Variants in AFAP1L1 observed in about 807,000 individuals in gnomAD.
AFAP1L1 encodes the protein actin filament-associated protein 1-like 1.
AFAP1L1 carries 77 observed loss-of-function variants against 99.8 expected under a neutral mutation model. That is an observed-to-expected ratio of 0.77 (90% CI 0.64 to 0.93). The LOEUF is 0.93. AFAP1L1 is among the 40% of genes least tolerant of loss of function. The pLI, the probability that AFAP1L1 is intolerant of heterozygous loss-of-function variation, is 0.00. For missense variants in AFAP1L1, 893 were observed against 996.8 expected (o/e 0.90, Z 1.40); for synonymous variants, 373 against 395.3 (o/e 0.94, Z 0.67).
At chr5:149,339,014 A>C (rs1581350364) in intron 18 of AFAP1L1, among the ~76,000 whole-genome samples, 1 of 152,324 alleles carries the variant, frequency 6.6e-6, no homozygotes, top group Middle Eastern at 3.4e-3. Context: ...GATCATCTAG[A>C]GCAGCAGTCA....
In AFAP1L1 at chr5:149,329,744, A is replaced by G; in HGVS notation, c.1889A>G (p.Glu630Gly). 2 of 1,614,126 alleles carry G rather than the reference A, an allele frequency of 1.2e-6. No homozygotes were observed. The highest frequency in any genetic ancestry group is 1.7e-6 in the Non-Finnish European group (2 of 1,180,022). Reference protein sequence around the residue: ...RRYLVEKEKLEKEKETIRTEL... With the variant: ...RRYLVEKEKLGKEKETIRTEL... ...TACTTGGTAGAAAAAGAGAAGCTGG[A>G]GAAAGAGAAAGAGACGATTCGGACA... Residue 630 changes from glutamate (E) to glycine (G), a missense_variant, in exon 16 of 19, where the codon GAG becomes GGG. Physicochemically the swap from Glu to Gly is moderately conservative, Grantham distance 98 (BLOSUM62 -2). Coordinates refer to ENST00000296721, the MANE Select transcript of AFAP1L1 (RefSeq NM_152406.4).
At chr5:149,336,895 C>T (rs1002260852) in intron 18 of AFAP1L1, among the ~76,000 whole-genome samples, 2 of 152,106 alleles carry the variant, frequency 1.3e-5, no homozygotes, top group African/African-American at 4.8e-5. Context: ...AAAACAAATG[C>T]CAGGCACATC....
chr5:149,314,062 A>G (rs1756721579), intron 9 of AFAP1L1, among the ~76,000 whole-genome samples: 1 of 152,174 alleles, frequency 6.6e-6, no homozygotes, highest in South Asian at 2.1e-4. Context: ...ACGGGCACCT[A>G]TGTTGAGCCT....
intron 1 of AFAP1L1, among the ~76,000 whole-genome samples, chr5:149,293,331 G>T (rs1260070937): frequency 1.3e-5 from 2 of 152,182 alleles, no homozygotes; most frequent in Admixed American, 1.3e-4. Flanking sequence ...TGACAGAGCT[G>T]GGAGGGGAGC....
At chr5:149,289,541 T>A (rs1755789222) in intron 1 of AFAP1L1, among the ~76,000 whole-genome samples, 1 of 152,196 alleles carries the variant, frequency 6.6e-6, no homozygotes, top group South Asian at 2.1e-4. Flanking sequence ...AGGAAGTGTT[T>A]GTCTTAGTGA....
In AFAP1L1 at chr5:149,343,426, C is replaced by T. The variant is rs994868050; in HGVS notation, c.*3396C>T. Among the ~76,000 whole-genome samples, 1 of 152,070 alleles carries T rather than the reference C, an allele frequency of 6.6e-6. No homozygotes were observed. The highest frequency in any genetic ancestry group is 1.5e-5 in the Non-Finnish European group (1 of 67,994). On this transcript the variant is annotated 3_prime_UTR_variant, in exon 19 of 19. Coordinates refer to ENST00000296721, the MANE Select transcript of AFAP1L1 (RefSeq NM_152406.4). ...CCATCCTCTCAGTCTGTCAGCTTTC[C>T]ATCCTAAATCTCTAAAATTCATCCA...
intron 11 of AFAP1L1, 98 bp downstream of exon 11, chr5:149,316,401 C>T (rs1756799946): frequency 1.4e-6 from 2 of 1,456,862 alleles, no homozygotes. Context: ...CACCTCACCC[C>T]CAGGGCAGGG....
At chr5:149,304,896 A>G (rs1019440975) in intron 5 of AFAP1L1, among the ~76,000 whole-genome samples, 2 of 152,234 alleles carry the variant, frequency 1.3e-5, no homozygotes, top group Non-Finnish European at 2.9e-5. Flanking sequence ...CTAGGAGCCC[A>G]GAGCAGCATT....
At chr5:149,323,278 A>G (rs1024414663) in intron 15 of AFAP1L1, among the ~76,000 whole-genome samples, 1 of 152,266 alleles carries the variant, frequency 6.6e-6, no homozygotes, top group African/African-American at 2.4e-5. Context: ...GCCAGCTCCC[A>G]TGAAAGCCAC....
intron 18 of AFAP1L1, among the ~76,000 whole-genome samples, chr5:149,337,269 C>T (rs908537110): frequency 1.3e-5 from 2 of 151,922 alleles, no homozygotes; most frequent in Admixed American, 1.3e-4. Flanking sequence ...ATTGCATACT[C>T]GAAATTTGTT....
intron 14 of AFAP1L1, 34 bp from the exon 15 acceptor site, chr5:149,322,572 C>G: frequency 6.6e-7 from 1 of 1,516,788 alleles, no homozygotes; most frequent in Non-Finnish European, 9.0e-7. Context: ...CTGCGCCTGC[C>G]TGAACTTGAC....
intron 2 of AFAP1L1, 51 bp from the exon 3 acceptor site, chr5:149,300,220 G>T (rs762635728): frequency 2.1e-6 from 3 of 1,409,526 alleles, no homozygotes; most frequent in Non-Finnish European, 3.0e-6. Context: ...GGACGGGGGA[G>T]ACCTGGTCCC....
In AFAP1L1 at chr5:149,332,307, G is replaced by A. The variant is rs531442764; in HGVS notation, c.1976-388G>A. Among the ~76,000 whole-genome samples the A allele has an allele frequency of 3.9e-5, 6 of 152,312 alleles. No homozygotes were observed. The South Asian group carries it at 1.2e-3, about 32-fold the overall frequency. ...AGCTACTTGGGAGGCTGAGGCAGGA[G>A]GATCACTTGATCCCAGGAGGCGGAG... On this transcript the variant is annotated intron_variant, in intron 16 of 18. Coordinates refer to ENST00000296721, the MANE Select transcript of AFAP1L1 (RefSeq NM_152406.4).
At chr5:149,310,342 T>G (rs1756587663) in intron 8 of AFAP1L1, among the ~76,000 whole-genome samples, 1 of 152,234 alleles carries the variant, frequency 6.6e-6, no homozygotes, top group African/African-American at 2.4e-5. Flanking sequence ...CTGTGTCCCT[T>G]CTGGTTATTT....
At chr5:149,336,874 G>A (rs1295921798) in intron 18 of AFAP1L1, among the ~76,000 whole-genome samples, 1 of 152,124 alleles carries the variant, frequency 6.6e-6, no homozygotes, top group Non-Finnish European at 1.5e-5. Flanking sequence ...TCCAATCATA[G>A]CAGGACCTGA....
chr5:149,310,299 A>G (rs753637615), intron 8 of AFAP1L1, among the ~76,000 whole-genome samples, 164 bp downstream of exon 8: 4 of 152,164 alleles, frequency 2.6e-5, no homozygotes, highest in Non-Finnish European at 5.9e-5. Context: ...TGGGCCTCGG[A>G]TATCTCCAAG....
chr5:149,294,883 C>T (rs2127592717), intron 1 of AFAP1L1, among the ~76,000 whole-genome samples: 1 of 152,332 alleles, frequency 6.6e-6, no homozygotes, highest in Non-Finnish European at 1.5e-5. Flanking sequence ...TCTGATGGAG[C>T]ATTCAGATGT....
intron 1 of AFAP1L1, among the ~76,000 whole-genome samples, chr5:149,274,221 C>T (rs1315075083): frequency 6.6e-6 from 1 of 152,222 alleles, no homozygotes; most frequent in East Asian, 1.9e-4. Context: ...AATCTGCTGA[C>T]ACTGCACCTG....
At chr5:149,308,625 A>G (rs1756511107) in intron 7 of AFAP1L1, among the ~76,000 whole-genome samples, 1 of 152,206 alleles carries the variant, frequency 6.6e-6, no homozygotes. Context: ...ATGCATCTGA[A>G]ACATGACCTT....
Sources: gnomAD v4.1 joint callset for allele counts (sites outside exome capture counted in the v4.1 genomes callset) on GRCh38, gnomAD v4.1.1 for gene constraint, MANE v1.5 for transcripts, NCBI Gene and HGNC (gene_info 2026-07-23, HGNC 2026-07-21) for gene names.